The following QTMAN variants were observed in gnomAD, a reference collection of about 807,000 sequenced individuals.
QTMAN encodes the protein queuosine-tRNA mannosyltransferase, also known as tRNA-queuosine alpha-mannosyltransferase.
the QTMAN span, among the ~76,000 whole-genome samples, chr2:144,057,281 T>C: frequency 6.6e-6 from 1 of 152,186 alleles, no homozygotes; most frequent in Non-Finnish European, 1.5e-5. Flanking sequence ...AACAACTCTA[T>C]CTCCTTCCAT....
At chr2:144,165,121 C>G in the QTMAN span, among the ~76,000 whole-genome samples, 2 of 152,208 alleles carry the variant, frequency 1.3e-5, no homozygotes, top group East Asian at 1.9e-4. Context: ...ACTGTAATCC[C>G]AGCACTTTGG....
chr2:144,141,761 T>C, the QTMAN span: 1 of 686,554 alleles, frequency 1.5e-6, no homozygotes, highest in Non-Finnish European at 2.5e-6. Context: ...AGATAGAACT[T>C]AATTCTCTAA....
At chr2:144,120,503 A>G in the QTMAN span, among the ~76,000 whole-genome samples, 113 of 152,368 alleles carry the variant, frequency 7.4e-4, 2 homozygotes, top group East Asian at 0.02. Context: ...TGAATAAATT[A>G]TAAGCTAAAA....
the QTMAN span, among the ~76,000 whole-genome samples, chr2:144,068,795 C>T: frequency 6.6e-6 from 1 of 152,094 alleles, no homozygotes; most frequent in Admixed American, 6.5e-5. Flanking sequence ...AGTCATTTTG[C>T]AGTCATCTTG....
chr2:144,072,533 G>A, the QTMAN span, among the ~76,000 whole-genome samples: 1 of 152,204 alleles, frequency 6.6e-6, no homozygotes, highest in Non-Finnish European at 1.5e-5. Flanking sequence ...CATTCAACCA[G>A]TTGATGTCAA....
At chr2:144,084,788 G>C in the QTMAN span, among the ~76,000 whole-genome samples, 1 of 149,516 alleles carries the variant, frequency 6.7e-6, no homozygotes, top group African/African-American at 2.6e-5. Flanking sequence ...TGGGACATAA[G>C]GCTAGTTTAT....
the QTMAN span, among the ~76,000 whole-genome samples, chr2:144,188,384 T>C: frequency 4.0e-4 from 61 of 152,222 alleles, no homozygotes; most frequent in South Asian, 1.9e-3. Flanking sequence ...CCTTTGAAAA[T>C]AGAGAAACCA....
At chr2:144,245,569 C>T in the QTMAN span, among the ~76,000 whole-genome samples, 1 of 152,254 alleles carries the variant, frequency 6.6e-6, no homozygotes, top group African/African-American at 2.4e-5. Flanking sequence ...AAGATATATA[C>T]AAATTATTTT....
the QTMAN span, among the ~76,000 whole-genome samples, chr2:144,134,399 T>C: frequency 1.3e-5 from 2 of 152,140 alleles, no homozygotes; most frequent in Non-Finnish European, 2.9e-5. Flanking sequence ...GCAGAGAAAT[T>C]TGTAAGGTTT....
chr2:144,082,991 T>C, the QTMAN span, among the ~76,000 whole-genome samples: 1 of 152,068 alleles, frequency 6.6e-6, no homozygotes, highest in East Asian at 1.9e-4. Context: ...TAAGTATGGA[T>C]TGGCAAAGAA....
the QTMAN span, among the ~76,000 whole-genome samples, chr2:144,241,132 C>G: frequency 0.021 from 3,158 of 152,270 alleles, 42 homozygotes; most frequent in Middle Eastern, 0.051. Context: ...GGTCCCTGGA[C>G]CAGTAGCAGC....
the QTMAN span, among the ~76,000 whole-genome samples, chr2:144,146,452 A>C: frequency 6.6e-6 from 1 of 151,618 alleles, no homozygotes; most frequent in South Asian, 2.1e-4. Flanking sequence ...AAGCTTGCCT[A>C]TCCATGTTTA....
At chr2:144,328,524 C>T in the QTMAN span, among the ~76,000 whole-genome samples, 1 of 152,160 alleles carries the variant, frequency 6.6e-6, no homozygotes, top group African/African-American at 2.4e-5. Flanking sequence ...AGTGAGACAG[C>T]ATACCTTTGT....
the QTMAN span, among the ~76,000 whole-genome samples, chr2:143,960,439 C>T: frequency 0.095 from 14,453 of 151,930 alleles, 1,003 homozygotes; most frequent in African/African-American, 0.19. Context: ...ATATAATGTT[C>T]AAGGATTGAA....
the QTMAN span, among the ~76,000 whole-genome samples, chr2:143,993,184 G>C: frequency 6.6e-6 from 1 of 152,186 alleles, no homozygotes; most frequent in African/African-American, 2.4e-5. Context: ...CAAGTGAACA[G>C]AGACTGTGTG....
chr2:144,224,224 TGA>T, the QTMAN span, among the ~76,000 whole-genome samples: 1 of 152,244 alleles, frequency 6.6e-6, no homozygotes, highest in Non-Finnish European at 1.5e-5. Context: ...TTTTATTTTC[TGA>T]GAGAAATATT....
the QTMAN span, among the ~76,000 whole-genome samples, chr2:144,243,818 C>T: frequency 6.6e-6 from 1 of 152,096 alleles, no homozygotes; most frequent in East Asian, 1.9e-4. Flanking sequence ...TGTGGCAGGA[C>T]TAAAAGATTG....
chr2:144,045,625 G>A, the QTMAN span, among the ~76,000 whole-genome samples: 6 of 152,216 alleles, frequency 3.9e-5, no homozygotes, highest in African/African-American at 1.4e-4. Flanking sequence ...GAGGCAGGCA[G>A]GGAGGGACTA....
chr2:144,179,007 T>G, the QTMAN span: 2 of 461,592 alleles, frequency 4.3e-6, no homozygotes, highest in South Asian at 3.2e-5. Flanking sequence ...CCCATAAAAC[T>G]TCTTTGATTA....
Sources: allele counts gnomAD v4.1 joint callset (sites outside exome capture counted in the v4.1 genomes callset), GRCh38; gene constraint gnomAD v4.1.1; transcripts MANE v1.5; gene names NCBI Gene and HGNC (gene_info 2026-07-23, HGNC 2026-07-21).